The following C12orf42 variants were observed in gnomAD, a reference collection of about 807,000 sequenced individuals.
C12orf42 encodes uncharacterized protein C12orf42.
In C12orf42, 25 loss-of-function variants were observed where a neutral mutation model predicts 21.6. The ratio of observed to expected loss-of-function variants is 1.16; its 90% CI spans 0.84 to 1.62. C12orf42 has a LOEUF of 1.62. Among genes scored for constraint, C12orf42 ranks in the 40% most tolerant of loss-of-function variants. C12orf42 has a pLI of 0.00. For missense variants in C12orf42, 483 were observed against 459.3 expected, an observed-to-expected ratio of 1.05 and a Z score of -0.47; for synonymous variants, 174 against 175.0, an observed-to-expected ratio of 0.99 and a Z score of 0.05.
At chr12:103,486,665 A>C (rs1374592720) in intron 1 of C12orf42, among the ~76,000 whole-genome samples, 2 of 152,086 alleles carry the variant, frequency 1.3e-5, no homozygotes, top group African/African-American at 4.8e-5. Flanking sequence ...TCAGAGATTC[A>C]ACTTCTTCCT....
At chr12:103,335,747 C>A (rs923560820) in intron 4 of C12orf42, among the ~76,000 whole-genome samples, 1 of 152,158 alleles carries the variant, frequency 6.6e-6, no homozygotes, top group South Asian at 2.1e-4. Flanking sequence ...TGGCAGAAGT[C>A]CCCAAAGATC....
downstream of C12orf42, chr12:103,237,566 A>G (rs1211349478): frequency 6.6e-6 from 1 of 152,228 alleles, no homozygotes; most frequent in Admixed American, 6.5e-5. Context: ...TTAATGCATA[A>G]CAAACCAACT....
intron 3 of C12orf42, among the ~76,000 whole-genome samples, chr12:103,387,397 A>T (rs1733477806): frequency 6.6e-6 from 1 of 152,256 alleles, no homozygotes; most frequent in South Asian, 2.1e-4. Flanking sequence ...TCGTGCACAC[A>T]TGCACAGACA....
chr12:103,377,473 A>T (rs544000231), intron 3 of C12orf42, among the ~76,000 whole-genome samples: 1 of 152,030 alleles, frequency 6.6e-6, no homozygotes, highest in East Asian at 1.9e-4. Context: ...TCCTCCAAAC[A>T]CCAGCCCAAG....
intron 5 of C12orf42, chr12:103,277,083 T>G: frequency 2.2e-6 from 1 of 454,196 alleles, no homozygotes; most frequent in Non-Finnish European, 4.4e-6. Flanking sequence ...TTGGGAAGAT[T>G]GCTGGATACA....
the C12orf42 span, among the ~76,000 whole-genome samples, chr12:103,071,200 A>G: frequency 6.6e-6 from 1 of 152,128 alleles, no homozygotes; most frequent in African/African-American, 2.4e-5. Flanking sequence ...AACTATCTCC[A>G]AATTTGAAAC....
the C12orf42 span, among the ~76,000 whole-genome samples, chr12:103,213,322 C>T: frequency 4.3e-3 from 660 of 152,268 alleles, 5 homozygotes; most frequent in African/African-American, 0.015. Context: ...AGGATTGGAA[C>T]TTATGGTGTC....
intron 4 of C12orf42, among the ~76,000 whole-genome samples, chr12:103,366,924 A>G (rs753146297): frequency 2.6e-5 from 4 of 152,158 alleles, no homozygotes; most frequent in Non-Finnish European, 5.9e-5. Flanking sequence ...TAGAACTACC[A>G]TTTGATTCAG....
downstream of C12orf42, among the ~76,000 whole-genome samples, chr12:103,233,217 G>C (rs1344817132): frequency 6.6e-6 from 1 of 152,136 alleles, no homozygotes; most frequent in Non-Finnish European, 1.5e-5. Flanking sequence ...ACACTGTCTT[G>C]ATTTGTAGAT....
chr12:103,430,095 T>C (rs1950154761), intron 2 of C12orf42, among the ~76,000 whole-genome samples: 1 of 152,156 alleles, frequency 6.6e-6, no homozygotes, highest in Non-Finnish European at 1.5e-5. Context: ...CTGAAAGCAA[T>C]GGCAACAAAA....
intron 2 of C12orf42, among the ~76,000 whole-genome samples, chr12:103,403,064 C>T (rs1479575547): frequency 6.6e-6 from 1 of 152,098 alleles, no homozygotes; most frequent in Non-Finnish European, 1.5e-5. Context: ...ACATGGTAAG[C>T]ATCCAATCAA....
chr12:103,269,161 A>C (rs972114782), intron 6 of C12orf42, among the ~76,000 whole-genome samples: 1 of 152,182 alleles, frequency 6.6e-6, no homozygotes, highest in African/African-American at 2.4e-5. Flanking sequence ...GTAACCTACA[A>C]AATGAAGTGC....
chr12:103,076,902 A>G, the C12orf42 span, among the ~76,000 whole-genome samples: 1 of 152,344 alleles, frequency 6.6e-6, no homozygotes, highest in Middle Eastern at 3.4e-3. Flanking sequence ...ACAGGTAGTA[A>G]GTTGTGAAAT....
the C12orf42 span, among the ~76,000 whole-genome samples, chr12:103,125,280 C>G: frequency 6.6e-6 from 1 of 152,086 alleles, no homozygotes; most frequent in Non-Finnish European, 1.5e-5. Flanking sequence ...AAGCCAGAAA[C>G]TCCAACTTGA....
At chr12:103,332,316 C>T (rs2041305958) in intron 4 of C12orf42, among the ~76,000 whole-genome samples, 1 of 152,196 alleles carries the variant, frequency 6.6e-6, no homozygotes, top group South Asian at 2.1e-4. Context: ...GTCCAGCACA[C>T]TCACCATGTA....
chr12:103,481,990 T>A (rs1954505909), intron 1 of C12orf42, among the ~76,000 whole-genome samples: 1 of 152,094 alleles, frequency 6.6e-6, no homozygotes, highest in Non-Finnish European at 1.5e-5. Flanking sequence ...CAAGGTTCTT[T>A]AACATGGACC....
At chr12:103,301,789 C>CA (rs1256508266), downstream of C12orf42, among the ~76,000 whole-genome samples, 1 of 152,084 alleles carries the variant, frequency 6.6e-6, no homozygotes, top group African/African-American at 2.4e-5. Flanking sequence ...CCTGCGAAAG[C>CA]AAAACAAAGA....
chr12:103,097,525 C>A, the C12orf42 span, among the ~76,000 whole-genome samples: 1 of 152,194 alleles, frequency 6.6e-6, no homozygotes, highest in Admixed American at 6.5e-5. Context: ...GAGTTGTCTA[C>A]AGAGTCTTTC....
At chr12:103,118,526 C>T in the C12orf42 span, among the ~76,000 whole-genome samples, 84,412 of 151,140 alleles carry the variant, frequency 0.56, 24,540 homozygotes, top group East Asian at 0.76. Flanking sequence ...TGGCTGGGCG[C>T]GGTGGCTCAT....
Sources: gnomAD v4.1 joint callset for allele counts (sites outside exome capture counted in the v4.1 genomes callset) on GRCh38, gnomAD v4.1.1 for gene constraint, MANE v1.5 for transcripts, NCBI Gene and HGNC (gene_info 2026-07-23, HGNC 2026-07-21) for gene names.